Variants in GRID2 observed in about 807,000 individuals in gnomAD.
The protein encoded by GRID2 is glutamate ionotropic receptor delta type subunit 2, also known as glutamate receptor ionotropic, delta-2.
Under a neutral mutation model 114.8 loss-of-function variants are expected in GRID2, and 33 were observed. That is an observed-to-expected ratio of 0.29 (90% confidence interval 0.22 to 0.38). GRID2 has a LOEUF of 0.38. Among genes scored for constraint, GRID2 ranks in the 10% least tolerant of loss-of-function variants. GRID2 has a pLI of 1.00. For missense variants in GRID2, 1,184 were observed against 1,257.7 expected (o/e 0.94, Z 0.89); for synonymous variants, 505 against 449.9 (o/e 1.12, Z -1.55).
chr4:92,339,399 T>G (rs529352299), intron 1 of GRID2, among the ~76,000 whole-genome samples: 23 of 152,284 alleles, frequency 1.5e-4, no homozygotes, highest in Admixed American at 3.9e-4. Context: ...TCATTAACTA[T>G]CCTATGATAG....
intron 14 of GRID2, among the ~76,000 whole-genome samples, chr4:93,667,442 G>A (rs1724047586): frequency 6.6e-6 from 1 of 151,238 alleles, no homozygotes; most frequent in African/African-American, 2.4e-5. Flanking sequence ...ATAACCAGGA[G>A]GTACCACCTA....
At chr4:93,628,859 G>T (rs552242081) in intron 14 of GRID2, among the ~76,000 whole-genome samples, 1 of 149,080 alleles carries the variant, frequency 6.7e-6, no homozygotes, top group East Asian at 2.0e-4. Context: ...TCCCCATCCC[G>T]GGTTCAAGTG....
intron 2 of GRID2, among the ~76,000 whole-genome samples, chr4:92,852,440 TAAAC>T (rs1743887095): frequency 6.6e-6 from 1 of 151,874 alleles, no homozygotes; most frequent in Non-Finnish European, 1.5e-5. Context: ...CACCTTAAAA[TAAAC>T]AACTCCACGC....
intron 13 of GRID2, among the ~76,000 whole-genome samples, chr4:93,545,975 T>C (rs919519386): frequency 2.6e-5 from 4 of 152,084 alleles, no homozygotes; most frequent in Non-Finnish European, 5.9e-5. Context: ...GAAAGGAAAA[T>C]ATGACAGACT....
At chr4:92,783,760 C>A (rs1739193778) in intron 2 of GRID2, among the ~76,000 whole-genome samples, 1 of 152,026 alleles carries the variant, frequency 6.6e-6, no homozygotes, top group South Asian at 2.1e-4. Context: ...GTACTGTGCC[C>A]TTGTAGTCCT....
chr4:93,469,622 T>C (rs926058896), intron 11 of GRID2, among the ~76,000 whole-genome samples: 8 of 152,072 alleles, frequency 5.3e-5, no homozygotes, highest in Non-Finnish European at 8.8e-5. Flanking sequence ...TTTAAACATT[T>C]CTTGATTTTT....
chr4:92,812,056 GT>G (rs1718760198), intron 2 of GRID2, among the ~76,000 whole-genome samples: 1 of 152,044 alleles, frequency 6.6e-6, no homozygotes, highest in South Asian at 2.1e-4. Context: ...AAAATAACAT[GT>G]GCCAAAAAGG....
intron 1 of GRID2, among the ~76,000 whole-genome samples, chr4:92,468,555 TTAAG>T (rs1407349283): frequency 6.6e-6 from 1 of 152,034 alleles, no homozygotes; most frequent in Non-Finnish European, 1.5e-5. Flanking sequence ...TAAACAAAGT[TTAAG>T]TAAGATACAG....
chr4:93,185,300 A>G (rs1047953408), intron 4 of GRID2, among the ~76,000 whole-genome samples: 1 of 152,146 alleles, frequency 6.6e-6, no homozygotes, highest in African/African-American at 2.4e-5. Flanking sequence ...GTGAATTTCA[A>G]AGTGATGTCC....
At chr4:93,713,656 AG>A (rs998019243) in intron 14 of GRID2, among the ~76,000 whole-genome samples, 2 of 152,134 alleles carry the variant, frequency 1.3e-5, no homozygotes, top group Non-Finnish European at 2.9e-5. Flanking sequence ...AGTGACAAGC[AG>A]GGTGCTTTTT....
At chr4:92,962,540 G>A (rs770173587) in intron 2 of GRID2, among the ~76,000 whole-genome samples, 6 of 151,906 alleles carry the variant, frequency 3.9e-5, no homozygotes, top group Admixed American at 6.6e-5. Context: ...ATGTAGACTC[G>A]AATTAACCCC....
chr4:92,898,715 T>C (rs565370451), intron 2 of GRID2, among the ~76,000 whole-genome samples: 33 of 152,288 alleles, frequency 2.2e-4, no homozygotes, highest in African/African-American at 7.7e-4. Flanking sequence ...TTATTACTAA[T>C]GTAGCGCTTA....
At chr4:93,161,361 T>C (rs759873168) in intron 4 of GRID2, among the ~76,000 whole-genome samples, 4 of 151,898 alleles carry the variant, frequency 2.6e-5, no homozygotes, top group Non-Finnish European at 4.4e-5. Flanking sequence ...GTGACCTTTC[T>C]GAATTTCTTC....
chr4:92,623,636 T>G (rs1223672225), intron 2 of GRID2, among the ~76,000 whole-genome samples: 1 of 151,664 alleles, frequency 6.6e-6, no homozygotes, highest in African/African-American at 2.4e-5. Flanking sequence ...AAGAAGAAAT[T>G]TATTCTGTTA....
At chr4:92,484,880 A>G (rs73837308) in intron 1 of GRID2, among the ~76,000 whole-genome samples, 2,699 of 152,098 alleles carry the variant, frequency 0.018, 86 homozygotes, top group African/African-American at 0.062. Flanking sequence ...ATAATTTCTC[A>G]TATTTAAACT....
chr4:92,749,310 C>CTTTTTTTTTTTTTTT (rs68069370), intron 2 of GRID2, among the ~76,000 whole-genome samples: 1 of 72,006 alleles, frequency 1.4e-5, no homozygotes, highest in African/African-American at 6.6e-5. Flanking sequence ...TGATTTGTAG[C>CTTTTTTTTTTTTTTT]TTTTTTTTTT....
chr4:92,979,186 AAAC>A (rs1294727570), intron 2 of GRID2, among the ~76,000 whole-genome samples: 1 of 152,120 alleles, frequency 6.6e-6, no homozygotes, highest in Non-Finnish European at 1.5e-5. Context: ...ACTAACAAAA[AAAC>A]CTAAAATATG....
At chr4:93,036,667 CA>C (rs1724964598) in intron 2 of GRID2, among the ~76,000 whole-genome samples, 1 of 152,044 alleles carries the variant, frequency 6.6e-6, no homozygotes, top group South Asian at 2.1e-4. Flanking sequence ...TCACCAAAAT[CA>C]AGTGTAATTT....
intron 13 of GRID2, among the ~76,000 whole-genome samples, chr4:93,623,490 T>C (rs1742402511): frequency 6.6e-6 from 1 of 152,202 alleles, no homozygotes; most frequent in Non-Finnish European, 1.5e-5. Flanking sequence ...ACTGGGTATA[T>C]ACCCAAGGGA....
Sources: gnomAD v4.1 joint callset for allele counts (sites outside exome capture counted in the v4.1 genomes callset) on GRCh38, gnomAD v4.1.1 for gene constraint, MANE v1.5 for transcripts, NCBI Gene and HGNC (gene_info 2026-07-23, HGNC 2026-07-21) for gene names.